Variants in DRC7 observed in about 807,000 individuals in gnomAD.
The protein encoded by DRC7 is dynein regulatory complex subunit 7, also known as coiled-coil domain containing 135.
A neutral mutation model predicts 104.4 loss-of-function variants in DRC7; 80 were observed. The observed-to-expected ratio is 0.77, with a 90% CI of 0.64 to 0.92. DRC7 has a LOEUF of 0.92. Among genes scored for constraint, DRC7 ranks in the 40% least tolerant of loss-of-function variants. The probability of loss-of-function intolerance (pLI) is 0.00; values close to 1 mark genes in which losing one functional copy is unlikely to be tolerated. For missense variants in DRC7, 1,034 were observed against 1,141.1 expected (o/e 0.91, Z 1.35); for synonymous variants, 405 against 447.3 (o/e 0.91, Z 1.19).
In DRC7 at chr16:57,727,523, T is replaced by C. The variant is rs139136066; in HGVS notation, c.2196+114T>C. 3,556 of 725,996 alleles carry C rather than the reference T, an allele frequency of 4.9e-3. 116 individuals are homozygous for C. Among genetic ancestry groups the C allele is most frequent in the South Asian group, 0.043 (2,668 of 62,704 alleles). 45.0% of individuals were successfully genotyped at this position (725,996 alleles called of 1,614,324 possible). A position where few individuals can be genotyped will look rare whatever the true frequency, so the allele number is the denominator to read the frequency against. On this transcript the variant is annotated intron_variant, in intron 16 of 18. Coordinates refer to ENST00000360716, the MANE Select transcript of DRC7 (RefSeq NM_001289162.2). The stretch of plus-strand genomic sequence containing the variant: ...AAACCCTCTGTGGGGGATACGGTTA[T>C]TGATACCATGCGGTCATCCTTGCTG...
intron 10 of DRC7, among the ~76,000 whole-genome samples, chr16:57,722,199 G>A (rs1259624498): frequency 1.3e-5 from 2 of 152,222 alleles, no homozygotes; most frequent in Non-Finnish European, 2.9e-5. Context: ...GACCTATGGG[G>A]AGGGCATGGG....
intron 4 of DRC7, 56 bp downstream of exon 4, chr16:57,699,080 G>T: frequency 1.9e-6 from 3 of 1,576,934 alleles, no homozygotes; most frequent in Non-Finnish European, 2.6e-6. Flanking sequence ...AGAGCAGAGG[G>T]CACAGGGAAG....
chr16:57,711,848 G>A (rs762258688), intron 8 of DRC7, among the ~76,000 whole-genome samples: 1 of 152,170 alleles, frequency 6.6e-6, no homozygotes, highest in African/African-American at 2.4e-5. Context: ...GCACCAAGTC[G>A]GTTCCTGGGT....
chr16:57,722,291 G>A (rs1164836637), intron 10 of DRC7, among the ~76,000 whole-genome samples: 1 of 152,216 alleles, frequency 6.6e-6, no homozygotes, highest in African/African-American at 2.4e-5. Flanking sequence ...ACTGGGGCTA[G>A]GGCCTGGGGA....
intron 5 of DRC7, 73 bp from the exon 6 acceptor site, chr16:57,701,863 G>C: frequency 7.5e-7 from 1 of 1,335,752 alleles, no homozygotes; most frequent in Admixed American, 1.9e-5. Flanking sequence ...GACAGGTGGT[G>C]GGCTGTGACC....
chr16:57,704,805 C>A, intron 6 of DRC7, 71 bp from the exon 7 acceptor site: 5 of 1,563,752 alleles, frequency 3.2e-6, no homozygotes, highest in Non-Finnish European at 4.3e-6. Flanking sequence ...GGGCGGGTCT[C>A]ACCTCTTGGA....
intron 7 of DRC7, among the ~76,000 whole-genome samples, chr16:57,706,088 CCTCCCATCCATCCAT>C (rs2048720913): frequency 9.3e-6 from 1 of 108,024 alleles, no homozygotes; most frequent in East Asian, 3.8e-4. Flanking sequence ...ATCCATCCAT[CCTCCCATCCATCCAT>C]CCTCTCATCC....
chr16:57,730,941 A>G lies in DRC7; in HGVS notation c.2402A>G (p.Glu801Gly), dbSNP rs1328709606. The G allele has an allele frequency of 6.2e-7, 1 of 1,613,338 alleles. No individual in the cohort carries two copies. The highest frequency in any genetic ancestry group is 1.1e-5 in the South Asian group (1 of 91,080). ...IQARFEKETQ[E>G]LQKKQQWYQE... ...GCCCTATGACCACAGGAGACCCAGG[A>G]GCTGCAAAAGAAGCAGCAGTGGTAC... is the stretch of plus-strand genomic sequence containing the variant. Residue 801 changes from glutamate (E) to glycine (G), a missense_variant, in exon 18 of 19, where the codon GAG becomes GGG. Transcript: ENST00000360716.
intron 8 of DRC7, among the ~76,000 whole-genome samples, chr16:57,714,542 C>A (rs1468937832): frequency 1.3e-5 from 2 of 152,080 alleles, no homozygotes; most frequent in African/African-American, 4.8e-5. Context: ...GGGACGATTG[C>A]TTGAGCCCGG....
intron 7 of DRC7, 110 bp downstream of exon 7, chr16:57,705,144 A>G: frequency 8.2e-7 from 1 of 1,222,242 alleles, no homozygotes; most frequent in Non-Finnish European, 1.1e-6. Context: ...CCCCCCAACT[A>G]GGTCCACCTC....
At position 57,698,127 on chromosome 16, in the gene DRC7, C is replaced by T. The variant is rs2148728344; in HGVS notation, c.178C>T (p.Gln60Ter). The T allele has an allele frequency of 6.2e-7, 1 of 1,614,124 alleles. No individual in the cohort carries two copies. Among genetic ancestry groups the T allele is most frequent in the Non-Finnish European group, 8.5e-7 (1 of 1,180,026 alleles). ...RDLEKKLSEI[Q>*]ITVSAELPAF... The stretch of plus-strand genomic sequence containing the variant: ...CCTGGAGAAGAAGCTGTCAGAGATC[C>T]AGATCACTGTCTCAGCGGAGCTCCC... Residue 60 changes from glutamine to a stop codon, truncating the protein, a stop_gained, in exon 3 of 19, where the codon CAG (glutamine) becomes TAG (stop). Transcript: ENST00000360716. LOFTEE classifies it high-confidence loss of function.
intron 1 of DRC7, among the ~76,000 whole-genome samples, chr16:57,695,591 T>C (rs1197855918): frequency 6.6e-6 from 1 of 152,208 alleles, no homozygotes; most frequent in Non-Finnish European, 1.5e-5. Context: ...CAAATGGATC[T>C]GATCACTGAG....
intron 17 of DRC7, among the ~76,000 whole-genome samples, chr16:57,729,318 A>C: frequency 8.1e-6 from 1 of 124,036 alleles, no homozygotes; most frequent in East Asian, 2.7e-4. Flanking sequence ...GGATGGATGG[A>C]TGAGTGGGTG....
At chr16:57,703,650 G>A (rs999947613) in intron 6 of DRC7, among the ~76,000 whole-genome samples, 7 of 152,148 alleles carry the variant, frequency 4.6e-5, no homozygotes, top group African/African-American at 9.6e-5. Context: ...CACGAGCTCC[G>A]CCATGGCTTT....
intron 14 of DRC7, 99 bp from the exon 15 acceptor site, chr16:57,726,733 C>T (rs1365515707): frequency 2.9e-6 from 2 of 684,702 alleles, no homozygotes; most frequent in African/African-American, 1.8e-5. Context: ...TGCTCGAGGT[C>T]ACACAGCTGG....
intron 8 of DRC7, among the ~76,000 whole-genome samples, chr16:57,713,464 CCTCT>C (rs1173155123): frequency 2.7e-5 from 4 of 148,198 alleles, no homozygotes; most frequent in African/African-American, 1.1e-4. Context: ...GATGAATTAA[CCTCT>C]CTATCGGTAT....
At chr16:57,722,255 C>A (rs927289759) in intron 10 of DRC7, among the ~76,000 whole-genome samples, 5 of 152,140 alleles carry the variant, frequency 3.3e-5, no homozygotes, top group African/African-American at 1.2e-4. Context: ...TCATGGGAAC[C>A]CAGAGGGGGG....
Position 57,698,701 on chromosome 16 carries a change from A to G in DRC7, c.204-149A>G, listed in dbSNP as rs564611257. On this transcript the variant is annotated intron_variant, in intron 3 of 18. Coordinates refer to ENST00000360716, the MANE Select transcript of DRC7 (RefSeq NM_001289162.2). ...CAAGACCTGTCTCTTAAATATATAT[A>G]TGAAAATGTGCAGATGTTAATGATA... The G allele has an allele frequency of 6.0e-5, 44 of 734,360 alleles. No individual in the cohort carries two copies. The African/African-American group carries it at 6.9e-4, about 11-fold the overall frequency. 45.5% of individuals were successfully genotyped at this position (734,360 alleles called of 1,614,324 possible). A position where few individuals can be genotyped will look rare whatever the true frequency, so the allele number is the denominator to read the frequency against.
chr16:57,723,178 C>T (rs774732795), intron 12 of DRC7, 48 bp downstream of exon 12: 1 of 1,595,452 alleles, frequency 6.3e-7, no homozygotes, highest in African/African-American at 1.3e-5. Context: ...GGGGTAGAGG[C>T]CTCACACACC....
Sources: gnomAD v4.1 joint callset for allele counts (sites outside exome capture counted in the v4.1 genomes callset) on GRCh38, gnomAD v4.1.1 for gene constraint, MANE v1.5 for transcripts, NCBI Gene and HGNC (gene_info 2026-07-23, HGNC 2026-07-21) for gene names.